The following HDAC3 variants were observed in gnomAD, a reference collection of about 807,000 sequenced individuals.
The protein encoded by HDAC3 is histone deacetylase 3.
Under a neutral mutation model 62.3 loss-of-function variants are expected in HDAC3, and 21 were observed. The observed-to-expected ratio is 0.34, with a 90% CI of 0.24 to 0.49. The LOEUF (loss-of-function observed/expected upper bound fraction) is 0.49. HDAC3 is among the 20% of genes least tolerant of loss of function. The pLI is 0.99. For missense variants in HDAC3, 270 were observed against 556.9 expected, an observed-to-expected ratio of 0.48 and a Z score of 5.19; for synonymous variants, 198 against 206.5, an observed-to-expected ratio of 0.96 and a Z score of 0.35.
Position 141,626,672 on chromosome 5 carries a change from G to A in HDAC3, c.831-389C>T, listed in dbSNP as rs2099904468. 6.6e-6 allele frequency among the ~76,000 whole-genome samples: 1 copy of A among 151,830 alleles called. No individual in the cohort carries two copies. The highest frequency in any genetic ancestry group is 2.4e-5 in the African/African-American group (1 of 41,304). ...GCAGGAGAAATGCTTGAACCCAGGA[G>A]GCAGAGCTTGCACTGAGCCAAGATC... On this transcript the variant is annotated intron_variant, in intron 10 of 14. Coordinates refer to ENST00000305264, the MANE Select transcript of HDAC3 (RefSeq NM_003883.4). The surrounding 1 kb of genome is among the most constrained non-coding windows in gnomAD (Gnocchi z 4.6).
At chr5:141,634,170 C>G (rs2099905641) in intron 3 of HDAC3, among the ~76,000 whole-genome samples, 1 of 152,126 alleles carries the variant, frequency 6.6e-6, no homozygotes, top group African/African-American at 2.4e-5. Context: ...TGCCCATAGC[C>G]CTCTTAAGAT....
rs1289511459 is a variant in HDAC3, at chr5:141,627,949, A to G, written c.774T>C (p.Ala258=). ...CCAATCGATCACAGCCCAGAGAGTC[A>G]GCTCCACACTGCAAAAAGCAAAACC... ...QPTCIVLQCG[A]DSLGCDRLGC... The change falls in exon 10 of 15, where the codon GCT becomes GCC. Residue 258 remains alanine (A), a synonymous_variant. Coordinates refer to ENST00000305264, the MANE Select transcript of HDAC3 (RefSeq NM_003883.4). 8 of 1,614,156 alleles carry G rather than the reference A, an allele frequency of 5.0e-6. No individual in the cohort carries two copies. The highest frequency in any genetic ancestry group is 5.9e-6 in the Non-Finnish European group (7 of 1,180,028).
chr5:141,626,398 C>A lies in HDAC3; in HGVS notation c.831-115G>T. The A allele has an allele frequency of 1.3e-6, 1 of 751,238 alleles. No individual in the cohort carries two copies. Among genetic ancestry groups the A allele is most frequent in the Non-Finnish European group, 2.3e-6 (1 of 436,926 alleles). 46.5% of individuals were successfully genotyped at this position (751,238 alleles called of 1,614,324 possible). On this transcript the variant is annotated intron_variant, in intron 10 of 14. Transcript: ENST00000305264. The surrounding 1 kb of genome is among the most constrained non-coding windows in gnomAD (Gnocchi z 4.6). ...AACTATAAATGTTCTAAATCTTTAT[C>A]TTGATAGTGAAATTCATTATGTTAT...
At chr5:141,627,983 G>A in intron 9 of HDAC3, 26 bp from the exon 10 acceptor site, 2 of 1,613,684 alleles carry the variant, frequency 1.2e-6, no homozygotes, top group Non-Finnish European at 1.7e-6. Flanking sequence ...CCCCAGGAAA[G>A]TGCAGTGATC....
intron 4 of HDAC3, 32 bp downstream of exon 4, chr5:141,630,012 G>A (rs1364789753): frequency 5.6e-6 from 9 of 1,613,112 alleles, no homozygotes; most frequent in African/African-American, 4.0e-5. Flanking sequence ...GGATCCAGAG[G>A]AAAGGAAGAA....
At chr5:141,627,072 C>T (rs2099904537) in intron 10 of HDAC3, among the ~76,000 whole-genome samples, 1 of 152,208 alleles carries the variant, frequency 6.6e-6, no homozygotes, top group South Asian at 2.1e-4. Context: ...GGTTTAAAGG[C>T]TCTGCACAAT....
chr5:141,624,252 T>G (rs891161689), intron 14 of HDAC3, among the ~76,000 whole-genome samples: 9 of 151,026 alleles, frequency 6.0e-5, no homozygotes, highest in African/African-American at 2.2e-4. Flanking sequence ...TAAAAAATTT[T>G]AGGCCAGGCT....
Position 141,625,380 on chromosome 5 carries a change from G to A in HDAC3, c.1060-15C>T. 1 of 1,613,600 alleles carries A rather than the reference G, an allele frequency of 6.2e-7. No homozygotes were observed. The highest frequency in any genetic ancestry group is 8.5e-7 in the Non-Finnish European group (1 of 1,179,770). On this transcript the variant is annotated splice_polypyrimidine_tract_variant and intron_variant, in intron 13 of 14. Transcript: ENST00000305264. This position sits in a 1 kb window ranked among gnomAD's most constrained non-coding sequence, Gnocchi z 4.0. ...TGGTCCAGATACTGGTTGGAAATGA[G>A]GAATACAGAGTGAGCAGTTTCCAGA...
rs750700607 is a variant in HDAC3 at position 141,625,394 on chromosome 5, G to A, written c.1060-29C>T. On this transcript the variant is annotated intron_variant, in intron 13 of 14. Transcript: ENST00000305264. The surrounding 1 kb of genome is among the most constrained non-coding windows in gnomAD (Gnocchi z 4.0). ...GTTGGAAATGAGGAATACAGAGTGA[G>A]CAGTTTCCAGAGATTCCCAGGACAT... is the stretch of plus-strand genomic sequence containing the variant. 2.0e-5 allele frequency: 33 copies of A among 1,611,610 alleles called. No homozygotes were observed. The East Asian group carries it at 6.9e-4, about 34-fold the overall frequency.
chr5:141,636,394 C>T (rs2099906009), intron 2 of HDAC3, 154 bp downstream of exon 2: 4 of 686,304 alleles, frequency 5.8e-6, no homozygotes, highest in East Asian at 5.4e-5. Context: ...CCACCCCCAA[C>T]ACCCTGCACT....
Position 141,625,513 on chromosome 5 carries a change from C to G in HDAC3, c.1060-148G>C, listed in dbSNP as rs146032887. 2.4e-5 allele frequency: 26 copies of G among 1,100,492 alleles called. No individual in the cohort carries two copies. The African/African-American group carries it at 4.0e-4, about 17-fold the overall frequency. 68.2% of individuals were successfully genotyped at this position (1,100,492 alleles called of 1,614,324 possible). ...CCCCCAACTGATAGCTCTCCCTCCC[C>G]ACCAACCCCAACTGCCTCTACTTTA... On this transcript the variant is annotated intron_variant, in intron 13 of 14. Coordinates refer to ENST00000305264, the MANE Select transcript of HDAC3 (RefSeq NM_003883.4). The surrounding 1 kb of genome is among the most constrained non-coding windows in gnomAD (Gnocchi z 4.0).
Position 141,629,517 on chromosome 5 carries a change from G to A in HDAC3, c.476+167C>T. The A allele has an allele frequency of 1.1e-6, 1 of 886,892 alleles. No individual in the cohort carries two copies. Among genetic ancestry groups the A allele is most frequent in the Non-Finnish European group, 1.8e-6 (1 of 565,220 alleles). 54.9% of individuals were successfully genotyped at this position (886,892 alleles called of 1,614,324 possible). A position where few individuals can be genotyped will look rare whatever the true frequency, so the allele number is the denominator to read the frequency against. The stretch of plus-strand genomic sequence containing the variant: ...ATATGCAGAGAAGGCTGAAATGTGA[G>A]CAGGCAGTAGGGAATCTGCAGCAGT... On this transcript the variant is annotated intron_variant, in intron 6 of 14. Coordinates refer to ENST00000305264, the MANE Select transcript of HDAC3 (RefSeq NM_003883.4). The surrounding 1 kb of genome is among the most constrained non-coding windows in gnomAD (Gnocchi z 5.3).
At chr5:141,623,285 A>G (rs1665248887) in intron 14 of HDAC3, among the ~76,000 whole-genome samples, 2 of 152,124 alleles carry the variant, frequency 1.3e-5, no homozygotes, top group African/African-American at 4.8e-5. Flanking sequence ...TGGCAAACCT[A>G]CAAAAAGTGG....
intron 3 of HDAC3, among the ~76,000 whole-genome samples, chr5:141,634,268 G>A (rs1176212189): frequency 1.3e-5 from 2 of 152,172 alleles, no homozygotes; most frequent in Non-Finnish European, 1.5e-5. Flanking sequence ...CTTTTAAAAG[G>A]TCCTATTTCT....
In HDAC3 at chr5:141,625,824, C is replaced by G. The variant is rs2099904358; in HGVS notation, c.980-60G>C. 2.6e-6 allele frequency: 4 copies of G among 1,509,724 alleles called. No individual in the cohort carries two copies. The allele number at this position is 1,509,724 out of a possible 1,614,324, so 93.5% of individuals were successfully genotyped here. A position where few individuals can be genotyped will look rare whatever the true frequency, so the allele number is the denominator to read the frequency against. ...GAGAAAGGCAGCTAACAAGACTTCC[C>G]AATCTTTTTCCTTCCCATCCAGAGC... On this transcript the variant is annotated intron_variant, in intron 12 of 14. Coordinates refer to ENST00000305264, the MANE Select transcript of HDAC3 (RefSeq NM_003883.4). The surrounding 1 kb of genome is among the most constrained non-coding windows in gnomAD (Gnocchi z 4.0).
chr5:141,623,412 G>A (rs1339730041), intron 14 of HDAC3, among the ~76,000 whole-genome samples: 3 of 152,138 alleles, frequency 2.0e-5, no homozygotes, highest in African/African-American at 4.8e-5. Context: ...AACAGGAAGA[G>A]GCCTGAGGCT....
At chr5:141,633,825 C>CACAA (rs1491173723) in intron 3 of HDAC3, among the ~76,000 whole-genome samples, 1 of 74,008 alleles carries the variant, frequency 1.4e-5, no homozygotes, top group African/African-American at 5.2e-5. Context: ...GACTCTGTCT[C>CACAA]AAAAAAAAAA....
chr5:141,635,508 C>A (rs2099905838), intron 2 of HDAC3, among the ~76,000 whole-genome samples: 2 of 152,244 alleles, frequency 1.3e-5, no homozygotes, highest in African/African-American at 4.8e-5. Context: ...TCACCTCAGT[C>A]TTTTCTATGA....
At chr5:141,622,583 C>T (rs1329067729) in intron 14 of HDAC3, among the ~76,000 whole-genome samples, 1 of 147,638 alleles carries the variant, frequency 6.8e-6, no homozygotes, top group South Asian at 2.2e-4. Context: ...AGCCTGGCAA[C>T]AGAGTGAGAC....
Sources: gnomAD v4.1 joint callset for allele counts (sites outside exome capture counted in the v4.1 genomes callset) on GRCh38, gnomAD v4.1.1 for gene constraint, Gnocchi (gnomAD v3.1) non-coding constraint, MANE v1.5 for transcripts, NCBI Gene and HGNC (gene_info 2026-07-23, HGNC 2026-07-21) for gene names.